IL16: variants seen among roughly 807,000 people sequenced by gnomAD.
IL16 encodes the protein pro-interleukin-16.
Under a neutral mutation model 110.1 loss-of-function variants are expected in IL16, and 67 were observed. The ratio of observed to expected loss-of-function variants is 0.61; its 90% CI spans 0.50 to 0.75. IL16 has a LOEUF of 0.75. IL16 is among the 30% of genes least tolerant of loss of function. IL16 has a pLI of 0.00. For synonymous variants in IL16, 689 were observed against 662.9 expected (o/e 1.04, Z -0.61); for missense variants, 1,545 against 1,655.0 (o/e 0.93, Z 1.15).
chr15:81,295,117 T>C (rs909207965), intron 12 of IL16, among the ~76,000 whole-genome samples: 1 of 152,178 alleles, frequency 6.6e-6, no homozygotes, highest in Non-Finnish European at 1.5e-5. Flanking sequence ...CCCCGTGCTT[T>C]AAAAAACTTG....
At chr15:81,213,478 C>T (rs942230660) in intron 1 of IL16, among the ~76,000 whole-genome samples, 1 of 152,154 alleles carries the variant, frequency 6.6e-6, no homozygotes, top group Non-Finnish European at 1.5e-5. Context: ...CTAACATTGT[C>T]AGTGGGGTGC....
chr15:81,238,069 A>G (rs1372370998), intron 2 of IL16, among the ~76,000 whole-genome samples: 3 of 151,854 alleles, frequency 2.0e-5, no homozygotes, highest in Non-Finnish European at 4.4e-5. Flanking sequence ...AAGCCTGGCT[A>G]ATTTTTGTAT....
rs758946268 is a variant in IL16, at chr15:81,313,358, G to A, written c.*4560G>A. 3 of 1,583,824 alleles carry A rather than the reference G, an allele frequency of 1.9e-6. No homozygotes were observed. Among genetic ancestry groups the A allele is most frequent in the Non-Finnish European group, 2.6e-6 (3 of 1,165,334 alleles). The stretch of plus-strand genomic sequence containing the variant: ...CCACGTTCTGTGGGAGGTAACCGCT[G>A]AGGTCGGTATGGAAGAATGTGACCA... On this transcript the variant is annotated 3_prime_UTR_variant, in exon 19 of 19. Transcript: ENST00000683961.
chr15:81,230,669 C>A (rs1896939783), intron 2 of IL16, among the ~76,000 whole-genome samples: 1 of 152,150 alleles, frequency 6.6e-6, no homozygotes, highest in African/African-American at 2.4e-5. Context: ...TACAAAGAGA[C>A]TTCTAGGTTA....
At chr15:81,302,860 CCTATCACACAT>C (rs1207711537) in intron 15 of IL16, among the ~76,000 whole-genome samples, 1 of 152,166 alleles carries the variant, frequency 6.6e-6, no homozygotes, top group Non-Finnish European at 1.5e-5. Flanking sequence ...CTCTGCAGTT[CCTATCACACAT>C]CTGCCCATTT....
At chr15:81,223,452 C>T (rs1896685747) in intron 1 of IL16, among the ~76,000 whole-genome samples, 1 of 152,158 alleles carries the variant, frequency 6.6e-6, no homozygotes. Flanking sequence ...GTGAGAAAGG[C>T]AATAATCAAT....
In IL16 at chr15:81,299,516, T is replaced by G. The variant is rs1596050634; in HGVS notation, c.2190T>G (p.Ser730Arg). Reference protein sequence around the residue: ...CIKNLFSPIMSENHGHMPLQP... With the variant: ...CIKNLFSPIMRENHGHMPLQP... Reference sequence around the variant, plus strand: ...AAAACTTATTTAGCCCCATCATGAGTGAGAACCATGGCCACATGCCTCTAC... The same window carrying G: ...AAAACTTATTTAGCCCCATCATGAGGGAGAACCATGGCCACATGCCTCTAC... The change falls in exon 14 of 19, where the codon AGT becomes AGG. Residue 730 changes from serine to arginine, a missense_variant. Physicochemically the swap from Ser to Arg is moderately radical, Grantham distance 110. Transcript: ENST00000683961. 6.2e-7 allele frequency: 1 copy of G among 1,614,112 alleles called. No individual in the cohort carries two copies. Among genetic ancestry groups the G allele is most frequent in the Middle Eastern group, 1.6e-4 (1 of 6,062 alleles).
chr15:81,244,412 T>A (rs1897463042), intron 2 of IL16, among the ~76,000 whole-genome samples: 1 of 152,130 alleles, frequency 6.6e-6, no homozygotes, highest in South Asian at 2.1e-4. Context: ...TTCCTTCATC[T>A]CAGAATCTCT....
chr15:81,188,224 C>A, intron 1 of IL16: 1 of 421,916 alleles, frequency 2.4e-6, no homozygotes, highest in Non-Finnish European at 4.8e-6. Flanking sequence ...AAATAGATTG[C>A]AGGTAGTGTC....
chr15:81,303,475 T>C lies in IL16; in HGVS notation c.3319-74T>C. 1 of 1,026,420 alleles carries C rather than the reference T, an allele frequency of 9.7e-7. No homozygotes were observed. The highest frequency in any genetic ancestry group is 1.5e-6 in the Non-Finnish European group (1 of 660,294). 63.6% of individuals were successfully genotyped at this position (1,026,420 alleles called of 1,614,324 possible). A position where few individuals can be genotyped will look rare whatever the true frequency, so the allele number is the denominator to read the frequency against. ...TGGGGTTTGAGATAACAAATCAGTC[T>C]GATGTCAGTCCGATGTTAAATTGTT... On this transcript the variant is annotated intron_variant, in intron 15 of 18. Transcript: ENST00000683961. The surrounding 1 kb of genome is among the most constrained non-coding windows in gnomAD (Gnocchi z 4.1).
At chr15:81,237,295 A>G (rs1897207129) in intron 2 of IL16, among the ~76,000 whole-genome samples, 1 of 152,184 alleles carries the variant, frequency 6.6e-6, no homozygotes, top group Non-Finnish European at 1.5e-5. Flanking sequence ...AGAAACTTAC[A>G]TATTCCCATT....
At chr15:81,298,554 T>A (rs1000044332) in intron 13 of IL16, among the ~76,000 whole-genome samples, 3 of 152,240 alleles carry the variant, frequency 2.0e-5, no homozygotes, top group Non-Finnish European at 4.4e-5. Context: ...ACACCCAGGC[T>A]GCATCCCAGG....
chr15:81,294,952 C>T (rs1899914840), intron 12 of IL16, among the ~76,000 whole-genome samples: 1 of 152,096 alleles, frequency 6.6e-6, no homozygotes, highest in African/African-American at 2.4e-5. Flanking sequence ...CTACAGGGTC[C>T]CAAGACTGTT....
chr15:81,300,095 T>A lies in IL16; in HGVS notation c.2769T>A (p.Pro923=). Residue 923 remains proline (P), a synonymous_variant, in exon 14 of 19, where the codon CCT becomes CCA. Transcript: ENST00000683961. ...EARDPGVSES[P]PPGRQPNQKT... Reference sequence around the variant, plus strand: ...GAGACCCAGGTGTGTCTGAGTCCCCTCCCCCAGGGCGGCAGCCCAATCAGA... The same window carrying A: ...GAGACCCAGGTGTGTCTGAGTCCCCACCCCCAGGGCGGCAGCCCAATCAGA... The A allele has an allele frequency of 6.3e-7, 1 of 1,580,566 alleles. No homozygotes were observed.
chr15:81,251,486 A>G (rs969051818), intron 2 of IL16, among the ~76,000 whole-genome samples: 3 of 152,110 alleles, frequency 2.0e-5, no homozygotes, highest in African/African-American at 7.2e-5. Context: ...CTGTCATGAC[A>G]CCTTTAGTTA....
intron 17 of IL16, 37 bp downstream of exon 17, chr15:81,306,203 A>G: frequency 6.2e-7 from 1 of 1,600,024 alleles, no homozygotes; most frequent in South Asian, 1.1e-5. Context: ...CACATGGGCC[A>G]CATCCTCTTT....
rs199906235 is a variant in IL16, at chr15:81,225,599, C to T, written c.200C>T (p.Ser67Leu). 8.2e-5 allele frequency: 132 copies of T among 1,614,044 alleles called. No individual in the cohort carries two copies. Among genetic ancestry groups the T allele is most frequent in the Non-Finnish European group, 9.0e-5 (106 of 1,179,986 alleles). ...TCATCTGTGCAGCTGGCAGACACAT[C>T]GGAGGCTGGGCCCAGCAGTGTTCCT... Reference protein sequence around the residue: ...FHSSVQLADTSEAGPSSVPDL... With the variant: ...FHSSVQLADTLEAGPSSVPDL... The change falls in exon 2 of 19, where the codon TCG becomes TTG. Residue 67 changes from serine (S) to leucine (L), a missense_variant. Around this residue, in one of 3 missense-constraint regions of IL16, gnomAD observed 1,185 missense variants for 1,238.8 expected, o/e 0.96. Coordinates refer to ENST00000683961, the MANE Select transcript of IL16 (RefSeq NM_172217.5).
intron 8 of IL16, among the ~76,000 whole-genome samples, chr15:81,282,224 C>G (rs145406989): frequency 6.6e-6 from 1 of 152,226 alleles, no homozygotes; most frequent in Non-Finnish European, 1.5e-5. Context: ...TTCTGAGATG[C>G]TCTGCCCCAT....
At chr15:81,292,108 C>T in intron 11 of IL16, 1 of 386,500 alleles carries the variant, frequency 2.6e-6, no homozygotes, top group East Asian at 7.2e-5. Flanking sequence ...AGCCAAAGTC[C>T]CCATTAGAGT....
Sources: gnomAD v4.1 joint callset for allele counts (sites outside exome capture counted in the v4.1 genomes callset) on GRCh38, gnomAD v4.1.1 for gene constraint, gnomAD v4.1.1 regional missense constraint, Gnocchi (gnomAD v3.1) non-coding constraint, MANE v1.5 for transcripts, NCBI Gene and HGNC (gene_info 2026-07-23, HGNC 2026-07-21) for gene names.